Variants in USP24 observed in about 807,000 individuals in gnomAD.
USP24 encodes ubiquitin specific peptidase 24, also known as ubiquitin carboxyl-terminal hydrolase 24.
In USP24, 97 loss-of-function variants were observed where a neutral mutation model predicts 361.6. The observed-to-expected ratio is 0.27, with a 90% CI of 0.23 to 0.32. The LOEUF is 0.32. Ranked by LOEUF, USP24 falls within the 10% of genes least tolerant of loss-of-function variation. USP24 has a pLI of 1.00. For synonymous variants in USP24, 1,098 were observed against 1,124.6 expected, an observed-to-expected ratio of 0.98 and a Z score of 0.47; for missense variants, 2,353 against 3,165.6, an observed-to-expected ratio of 0.74 and a Z score of 6.16.
chr1:55,085,966 G>A lies in USP24; in HGVS notation c.6741C>T (p.Asp2247=), dbSNP rs760666550. Residue 2247 remains aspartate (D), a synonymous_variant, in exon 56 of 68, where the codon GAC becomes GAT. Transcript: ENST00000294383. ...CCTTATCCTGATAAAACAAGGCACT[G>A]TCTAGGGTTTTCTCCAGAATGGTGG... The part of the protein sequence containing the change: ...AVATILEKTL[D]SALFYQDKLK... 4.3e-6 allele frequency: 7 copies of A among 1,613,926 alleles called. No homozygotes were observed. Among genetic ancestry groups the A allele is most frequent in the South Asian group, 3.3e-5 (3 of 91,078 alleles).
intron 8 of USP24, among the ~76,000 whole-genome samples, chr1:55,160,059 G>A (rs1003152221): frequency 5.3e-5 from 8 of 152,134 alleles, no homozygotes; most frequent in African/African-American, 1.9e-4. Flanking sequence ...AAATTATGCT[G>A]TCATATGAAC....
At chr1:55,200,837 C>T (rs755083628) in intron 1 of USP24, among the ~76,000 whole-genome samples, 9 of 152,134 alleles carry the variant, frequency 5.9e-5, no homozygotes, top group Non-Finnish European at 1.0e-4. Flanking sequence ...GCAAACAGTC[C>T]TACTAAAGGC....
intron 24 of USP24, among the ~76,000 whole-genome samples, chr1:55,139,242 CCTTTT>C (rs1646822593): frequency 6.6e-6 from 1 of 152,170 alleles, no homozygotes; most frequent in African/African-American, 2.4e-5. Flanking sequence ...TGTTTCCTTT[CCTTTT>C]CTTTCTTCTT....
At position 55,068,890 on chromosome 1, in the gene USP24, A is replaced by C; in HGVS notation, c.*155T>G. 1 of 741,386 alleles carries C rather than the reference A, an allele frequency of 1.3e-6. No homozygotes were observed. Among genetic ancestry groups the C allele is most frequent in the South Asian group, 1.9e-5 (1 of 51,524 alleles). 45.9% of individuals were successfully genotyped at this position (741,386 alleles called of 1,614,324 possible). ...CTCCCAAACCTTCTAGTGGCTTAAA[A>C]ATGCTTTCCTTGAGAAATACACGAT... On this transcript the variant is annotated 3_prime_UTR_variant, in exon 68 of 68. Coordinates refer to ENST00000294383, the MANE Select transcript of USP24 (RefSeq NM_015306.3).
chr1:55,076,015 G>A (rs1645025096), intron 62 of USP24, among the ~76,000 whole-genome samples: 1 of 151,494 alleles, frequency 6.6e-6, no homozygotes, highest in African/African-American at 2.4e-5. Flanking sequence ...AATATTACAC[G>A]GCTGCCACAT....
At position 55,163,254 on chromosome 1, in the gene USP24, T is replaced by C. The variant is rs959120435; in HGVS notation, c.928-990A>G. Among the ~76,000 whole-genome samples, 3 of 152,000 alleles carry C rather than the reference T, an allele frequency of 2.0e-5. No individual in the cohort carries two copies. In the South Asian group the frequency reaches 6.2e-4, roughly 31 times the overall value. On this transcript the variant is annotated intron_variant, in intron 7 of 67. Coordinates refer to ENST00000294383, the MANE Select transcript of USP24 (RefSeq NM_015306.3). ...TTATCTAAGCAAGTTAGAAAACTTT[T>C]AAGACACCAAGGAAAAATTTGACTA... is the stretch of plus-strand genomic sequence containing the variant.
intron 45 of USP24, among the ~76,000 whole-genome samples, chr1:55,099,028 G>C (rs1645565369): frequency 6.6e-6 from 1 of 152,172 alleles, no homozygotes; most frequent in African/African-American, 2.4e-5. Context: ...GAGGTAGAGA[G>C]CTTTGGGTTT....
In USP24 at chr1:55,106,914, A is replaced by C. The variant is rs193107445; in HGVS notation, c.4762+325T>G. 2.1e-3 allele frequency among the ~76,000 whole-genome samples: 325 copies of C among 152,330 alleles called. 6 individuals are homozygous for C. The highest frequency in any genetic ancestry group is 0.015 in the Admixed American group (237 of 15,296). On this transcript the variant is annotated intron_variant, in intron 40 of 67. Coordinates refer to ENST00000294383, the MANE Select transcript of USP24 (RefSeq NM_015306.3). The stretch of plus-strand genomic sequence containing the variant: ...TTCAGATGAGAATCACCCTTAAAAG[A>C]AGACAGACAGTAAATTATGTATTAC...
chr1:55,164,136 A>G (rs954607008), intron 7 of USP24, among the ~76,000 whole-genome samples: 5 of 151,934 alleles, frequency 3.3e-5, no homozygotes, highest in Non-Finnish European at 5.9e-5. Context: ...GTCATTAAAA[A>G]CACTGATAGT....
At chr1:55,193,855 C>CACAT (rs936641785) in intron 1 of USP24, among the ~76,000 whole-genome samples, 8 of 152,248 alleles carry the variant, frequency 5.3e-5, no homozygotes, top group Non-Finnish European at 7.4e-5. Context: ...CACCAGAAGT[C>CACAT]ACATTTCTTA....
chr1:55,166,492 A>T, intron 6 of USP24, 76 bp downstream of exon 6: 1 of 1,339,250 alleles, frequency 7.5e-7, no homozygotes, highest in Non-Finnish European at 1.0e-6. Flanking sequence ...CCATTTGCTT[A>T]ATATACCAAA....
At chr1:55,128,476 C>CGAT (rs966618988) in intron 32 of USP24, among the ~76,000 whole-genome samples, 1 of 152,144 alleles carries the variant, frequency 6.6e-6, no homozygotes, top group African/African-American at 2.4e-5. Context: ...CCAAGACAGG[C>CGAT]GATGCGTCTT....
chr1:55,159,421 T>G (rs1018945946), intron 9 of USP24, among the ~76,000 whole-genome samples, 190 bp downstream of exon 9: 1 of 152,216 alleles, frequency 6.6e-6, no homozygotes, highest in African/African-American at 2.4e-5. Context: ...TTAACTCTAT[T>G]GACTAGAGGT....
At chr1:55,148,384 C>G in intron 17 of USP24, 79 bp downstream of exon 17, 1 of 1,048,174 alleles carries the variant, frequency 9.5e-7, no homozygotes, top group Non-Finnish European at 1.4e-6. Flanking sequence ...TGACTATAAA[C>G]TCAGCAATTT....
At chr1:55,156,193 T>G (rs1224536763) in intron 12 of USP24, among the ~76,000 whole-genome samples, 3 of 152,108 alleles carry the variant, frequency 2.0e-5, no homozygotes, top group Admixed American at 6.6e-5. Flanking sequence ...GAATTTAAGA[T>G]GCCAATGCAC....
At chr1:55,088,386 G>A (rs1645298844) in intron 55 of USP24, among the ~76,000 whole-genome samples, 1 of 152,150 alleles carries the variant, frequency 6.6e-6, no homozygotes, top group Non-Finnish European at 1.5e-5. Context: ...TTTGTATGCT[G>A]GCAGAAGTGA....
chr1:55,166,677 C>T (rs565978183), intron 5 of USP24, 74 bp from the exon 6 acceptor site: 3 of 1,338,528 alleles, frequency 2.2e-6, no homozygotes, highest in Admixed American at 5.5e-5. Context: ...TTCTTTTATC[C>T]TAAATGAAAA....
intron 1 of USP24, among the ~76,000 whole-genome samples, chr1:55,198,075 T>G (rs183960037): frequency 6.6e-6 from 1 of 152,346 alleles, no homozygotes; most frequent in African/African-American, 2.4e-5. Context: ...AAAGTCATTC[T>G]GCACAAATTT....
chr1:55,171,190 G>A (rs570862896), intron 5 of USP24, among the ~76,000 whole-genome samples: 90 of 152,234 alleles, frequency 5.9e-4, no homozygotes, highest in African/African-American at 2.1e-3. Context: ...ATGAGATTAA[G>A]TACTAGATTA....
Sources: allele counts gnomAD v4.1 joint callset (sites outside exome capture counted in the v4.1 genomes callset), GRCh38; gene constraint gnomAD v4.1.1; transcripts MANE v1.5; gene names NCBI Gene and HGNC (gene_info 2026-07-23, HGNC 2026-07-21).